Variants in CD9 observed in about 807,000 individuals in gnomAD.
CD9 encodes the protein CD9 molecule.
Under a neutral mutation model 31.4 loss-of-function variants are expected in CD9, and 10 were observed. That is an observed-to-expected ratio of 0.32 (90% confidence interval 0.20 to 0.54). The LOEUF is 0.54. CD9 is among the 20% of genes least tolerant of loss of function. CD9 has a pLI of 0.94. For synonymous variants in CD9, 113 were observed against 114.1 expected (o/e 0.99, Z 0.06); for missense variants, 259 against 300.1 (o/e 0.86, Z 1.01).
intron 1 of CD9, among the ~76,000 whole-genome samples, chr12:6,222,254 TC>T (rs760250062): frequency 6.6e-6 from 1 of 151,818 alleles, no homozygotes; most frequent in African/African-American, 2.4e-5. Context: ...TCACATAGCA[TC>T]CCCCCCGGCC....
intron 1 of CD9, 72 bp downstream of exon 1, chr12:6,200,637 C>T (rs1946064526): frequency 1.9e-6 from 2 of 1,035,652 alleles, no homozygotes; most frequent in Admixed American, 1.9e-5. Flanking sequence ...CTGGCCGCGG[C>T]CGCGAGTGCC....
chr12:6,231,721 A>G (rs1038430848), intron 2 of CD9, among the ~76,000 whole-genome samples: 12 of 152,232 alleles, frequency 7.9e-5, no homozygotes, highest in Admixed American at 3.3e-4. Context: ...CCTCCTTTCC[A>G]TGAGCCACTC....
chr12:6,214,003 A>G lies in CD9; in HGVS notation c.67-11423A>G, dbSNP rs11568215. On this transcript the variant is annotated intron_variant, in intron 1 of 7. Transcript: ENST00000009180. ...AAGCCTCCCACTTGTCCCCCAAGAA[A>G]ATTTCTCAGGGATTCACATCTTTCC... Among the ~76,000 whole-genome samples the G allele has an allele frequency of 4.6e-3, 701 of 152,246 alleles. 4 individuals carry two copies. Among genetic ancestry groups the G allele is most frequent in the African/African-American group, 0.014 (593 of 41,536 alleles).
At chr12:6,225,659 C>A in intron 2 of CD9, 125 bp downstream of exon 2, 1 of 618,468 alleles carries the variant, frequency 1.6e-6, no homozygotes, top group Admixed American at 2.8e-5. Flanking sequence ...GCCACGCTGG[C>A]CAGTCGTGTC....
rs1170738223 is a variant in CD9, at chr12:6,236,659, T to C, written c.621+384T>C. 1.2e-5 allele frequency: 5 copies of C among 420,226 alleles called. No homozygotes were observed. The East Asian group carries it at 1.4e-4, about 12-fold the overall frequency. The allele number at this position is 420,226 out of a possible 1,614,324, so 26.0% of individuals were successfully genotyped here. A position where few individuals can be genotyped will look rare whatever the true frequency, so the allele number is the denominator to read the frequency against. ...CCGGCGTGGGAATTGTTCCATTTCC[T>C]GAAGTGCATCTGAACATGGGCAGCC... is the stretch of plus-strand genomic sequence containing the variant. On this transcript the variant is annotated intron_variant, in intron 7 of 7. Transcript: ENST00000009180.
chr12:6,209,563 G>A (rs1946169759), intron 1 of CD9, among the ~76,000 whole-genome samples: 1 of 152,092 alleles, frequency 6.6e-6, no homozygotes, highest in Non-Finnish European at 1.5e-5. Flanking sequence ...ATGTTTTAAA[G>A]CTTCCTGTCT....
chr12:6,224,462 A>G (rs1011314788), intron 1 of CD9, among the ~76,000 whole-genome samples: 3 of 152,130 alleles, frequency 2.0e-5, no homozygotes, highest in African/African-American at 4.8e-5. Context: ...ACTCACTGCC[A>G]TATCGTAAGG....
At chr12:6,236,087 C>A in intron 6 of CD9, 105 bp from the exon 7 acceptor site, 1 of 1,540,480 alleles carries the variant, frequency 6.5e-7, no homozygotes, top group South Asian at 1.3e-5. Context: ...CCCAGCCCAC[C>A]CTCTGCCCAC....
rs1375941388 is a variant in CD9, at chr12:6,235,212, T to C, written c.349-17T>C. 1.3e-6 allele frequency: 2 copies of C among 1,557,162 alleles called. No homozygotes were observed. The highest frequency in any genetic ancestry group is 1.8e-6 in the Non-Finnish European group (2 of 1,130,330). ...TGAAAATGCCGTCTCTGCCCCTCTC[T>C]CGTCTGCCCATTGTAGGTGATTAAG... On this transcript the variant is annotated splice_polypyrimidine_tract_variant and intron_variant, in intron 4 of 7. Coordinates refer to ENST00000009180, the MANE Select transcript of CD9 (RefSeq NM_001769.4).
Position 6,206,799 on chromosome 12 carries a change from A to C in CD9, c.66+6234A>C, listed in dbSNP as rs566065821. ...ATATCCTGTCATCCTAGACTAATAC[A>C]TCTTAACGTTTTTAGGGAAATTCCT... On this transcript the variant is annotated intron_variant, in intron 1 of 7. Transcript: ENST00000009180. Among the ~76,000 whole-genome samples, 3 of 152,236 alleles carry C rather than the reference A, an allele frequency of 2.0e-5. No individual in the cohort carries two copies. The East Asian group carries it at 5.8e-4, about 29-fold the overall frequency.
intron 1 of CD9, among the ~76,000 whole-genome samples, chr12:6,218,713 A>G (rs1268187377): frequency 6.6e-6 from 1 of 152,158 alleles, no homozygotes; most frequent in Non-Finnish European, 1.5e-5. Context: ...CCCTGCAGCA[A>G]GATTTTGCAG....
intron 6 of CD9, 110 bp downstream of exon 6, chr12:6,235,675 T>A: frequency 6.9e-7 from 1 of 1,453,846 alleles, no homozygotes; most frequent in Non-Finnish European, 9.1e-7. Context: ...CCGTTCTGCC[T>A]GTGAAAGGGC....
intron 4 of CD9, among the ~76,000 whole-genome samples, chr12:6,234,964 G>A (rs1946495739): frequency 6.6e-6 from 1 of 152,226 alleles, no homozygotes; most frequent in African/African-American, 2.4e-5. Context: ...TAGGAGCCAA[G>A]TAGAGCTGAA....
At chr12:6,212,371 C>T (rs914166824) in intron 1 of CD9, among the ~76,000 whole-genome samples, 3 of 152,218 alleles carry the variant, frequency 2.0e-5, no homozygotes, top group Non-Finnish European at 4.4e-5. Context: ...TTCTAGTCTC[C>T]TCCCTGGGAA....
rs542582792 is a variant in CD9, at chr12:6,225,301, G to A, written c.67-125G>A. 159 of 673,476 alleles carry A rather than the reference G, an allele frequency of 2.4e-4. 1 individual carries two copies. The South Asian group carries it at 2.7e-3, about 11-fold the overall frequency. The allele number at this position is 673,476 out of a possible 1,614,324, so 41.7% of individuals were successfully genotyped here. A position where few individuals can be genotyped will look rare whatever the true frequency, so the allele number is the denominator to read the frequency against. On this transcript the variant is annotated intron_variant, in intron 1 of 7. Transcript: ENST00000009180. Reference sequence around the variant, plus strand: ...CCGTAATGGCATCTACAACTACCAGGCGTATATGAGGGGCAGAGACCAAGG... The same window carrying A: ...CCGTAATGGCATCTACAACTACCAGACGTATATGAGGGGCAGAGACCAAGG...
chr12:6,226,579 G>A (rs1432583617), intron 2 of CD9, among the ~76,000 whole-genome samples: 1 of 152,176 alleles, frequency 6.6e-6, no homozygotes, highest in African/African-American at 2.4e-5. Flanking sequence ...CTCTTGAACT[G>A]GGTAGGGAGA....
intron 1 of CD9, among the ~76,000 whole-genome samples, chr12:6,223,757 G>A (rs75730731): frequency 2.6e-5 from 4 of 152,292 alleles, no homozygotes; most frequent in African/African-American, 9.6e-5. Flanking sequence ...GCTCTTGGTC[G>A]GGGAACCCAT....
chr12:6,209,679 C>CTTTTTTTTTT (rs71064199), intron 1 of CD9, among the ~76,000 whole-genome samples: 1 of 132,616 alleles, frequency 7.5e-6, no homozygotes. Context: ...CTGCAAATTT[C>CTTTTTTTTTT]TTTTTTTTTT....
At chr12:6,207,938 C>T (rs757639990) in intron 1 of CD9, among the ~76,000 whole-genome samples, 1 of 152,142 alleles carries the variant, frequency 6.6e-6, no homozygotes, top group Non-Finnish European at 1.5e-5. Flanking sequence ...AAAAGTAACC[C>T]TTCAGGCCAG....
Sources: allele counts gnomAD v4.1 joint callset (sites outside exome capture counted in the v4.1 genomes callset), GRCh38; gene constraint gnomAD v4.1.1; transcripts MANE v1.5; gene names NCBI Gene and HGNC (gene_info 2026-07-23, HGNC 2026-07-21).